Variants in TRDN observed in about 807,000 individuals in gnomAD.
The protein encoded by TRDN is triadin.
A neutral mutation model predicts 149.7 loss-of-function variants in TRDN; 161 were observed. That is an observed-to-expected ratio of 1.08 (90% confidence interval 0.95 to 1.23). The LOEUF is 1.23. Ranked by LOEUF, TRDN falls within the 50% of genes most tolerant of loss-of-function variation. The probability of loss-of-function intolerance (pLI) is 0.00; values close to 1 mark genes in which losing one functional copy is unlikely to be tolerated. For synonymous variants in TRDN, 294 were observed against 250.5 expected (o/e 1.17, Z -1.64); for missense variants, 896 against 823.5 (o/e 1.09, Z -1.08).
At chr6:123,374,165 T>C (rs1254424343) in intron 19 of TRDN, among the ~76,000 whole-genome samples, 1 of 152,188 alleles carries the variant, frequency 6.6e-6, no homozygotes, top group Non-Finnish European at 1.5e-5. Context: ...TTAAGATGAT[T>C]TGGCAAGCTA....
intron 12 of TRDN, among the ~76,000 whole-genome samples, chr6:123,415,258 C>A (rs1582990630): frequency 6.6e-6 from 1 of 152,150 alleles, no homozygotes; most frequent in South Asian, 2.1e-4. Context: ...ATGATTTGAC[C>A]TTTAGCTTAT....
chr6:123,511,707 C>T (rs1367541394), intron 7 of TRDN, among the ~76,000 whole-genome samples: 2 of 152,120 alleles, frequency 1.3e-5, no homozygotes, highest in African/African-American at 4.8e-5. Context: ...ACTGAATTCT[C>T]TGCTTAGGGC....
chr6:123,279,552 A>G (rs28671702), intron 24 of TRDN, among the ~76,000 whole-genome samples: 2 of 151,796 alleles, frequency 1.3e-5, no homozygotes, highest in African/African-American at 4.8e-5. Context: ...TACAAATGCC[A>G]TCTAGTACCT....
chr6:123,633,031 AG>A (rs1262072918), intron 1 of TRDN, among the ~76,000 whole-genome samples: 1 of 152,088 alleles, frequency 6.6e-6, no homozygotes, highest in Non-Finnish European at 1.5e-5. Context: ...TGGTAAGGAA[AG>A]AATTCCACAC....
chr6:123,324,620 T>TA (rs1269928055), intron 23 of TRDN, among the ~76,000 whole-genome samples: 1 of 152,120 alleles, frequency 6.6e-6, no homozygotes, highest in African/African-American at 2.4e-5. Context: ...GGCTGATATT[T>TA]AAAAAATACC....
At chr6:123,636,670 A>G (rs1391923403) in intron 1 of TRDN, 84 bp downstream of exon 1, 1 of 1,514,688 alleles carries the variant, frequency 6.6e-7, no homozygotes, top group African/African-American at 1.4e-5. Flanking sequence ...CAACATTTTA[A>G]ATGGACACAT....
In TRDN at chr6:123,274,540, C is replaced by A. The variant is rs377344976; in HGVS notation, c.1597+101G>T. On this transcript the variant is annotated intron_variant, in intron 27 of 40. Transcript: ENST00000334268. ...GACAAAATAATGAGGAACTTGGAGA[C>A]TATGTGCATGTCTCCCTAGTGAGAT... is the stretch of plus-strand genomic sequence containing the variant. The A allele has an allele frequency of 1.8e-5, 18 of 1,016,618 alleles. No individual in the cohort carries two copies. In the East Asian group the frequency reaches 4.0e-4, roughly 22 times the overall value. The allele number at this position is 1,016,618 out of a possible 1,614,324, so 63.0% of individuals were successfully genotyped here.
intron 9 of TRDN, among the ~76,000 whole-genome samples, chr6:123,474,570 C>A (rs913409806): frequency 9.2e-5 from 14 of 152,250 alleles, no homozygotes; most frequent in Middle Eastern, 3.4e-3. Flanking sequence ...CTGCACCAAG[C>A]CGACCTAATA....
At chr6:123,442,882 G>C (rs1775007629) in intron 10 of TRDN, among the ~76,000 whole-genome samples, 1 of 152,092 alleles carries the variant, frequency 6.6e-6, no homozygotes, top group Non-Finnish European at 1.5e-5. Flanking sequence ...GAAGGGTACT[G>C]TACTGCAATG....
rs769836240 is a variant in TRDN at position 123,529,292 on chromosome 6, T to G, written c.484+1214A>C. ...TCCGTACTCAAGAGCTGTGTCCAAC[T>G]TCTGTGATCAAAGGAATTAAGAACC... On this transcript the variant is annotated intron_variant, in intron 5 of 40. Transcript: ENST00000334268. The G allele has an allele frequency of 6.5e-6, 10 of 1,548,862 alleles. No homozygotes were observed. The East Asian group carries it at 2.4e-4, about 38-fold the overall frequency.
At chr6:123,268,119 T>C (rs1444946077) in intron 31 of TRDN, among the ~76,000 whole-genome samples, 1 of 152,072 alleles carries the variant, frequency 6.6e-6, no homozygotes, top group Non-Finnish European at 1.5e-5. Context: ...TATTTGTCTT[T>C]GACATTTTAT....
chr6:123,360,712 AGAGAGACG>A (rs111862950), intron 20 of TRDN, among the ~76,000 whole-genome samples: 1,233 of 41,514 alleles, frequency 0.03, 20 homozygotes, highest in African/African-American at 0.15. Flanking sequence ...AAAGAGAGAG[AGAGAGACG>A]GAGAGAGAGA....
intron 38 of TRDN, among the ~76,000 whole-genome samples, chr6:123,249,025 A>T (rs1487965456): frequency 6.6e-6 from 1 of 152,138 alleles, no homozygotes; most frequent in African/African-American, 2.4e-5. Context: ...CACCATGACC[A>T]AGTAGGATTC....
chr6:123,573,351 C>A (rs1782672830), intron 1 of TRDN, among the ~76,000 whole-genome samples: 1 of 152,006 alleles, frequency 6.6e-6, no homozygotes, highest in South Asian at 2.1e-4. Flanking sequence ...GACAATACAA[C>A]AACTACTGAG....
chr6:123,600,707 A>C (rs1386038475), intron 1 of TRDN, among the ~76,000 whole-genome samples: 1 of 152,072 alleles, frequency 6.6e-6, no homozygotes, highest in African/African-American at 2.4e-5. Context: ...CTCTGGTTAT[A>C]CAGCAGTTGG....
intron 37 of TRDN, among the ~76,000 whole-genome samples, chr6:123,253,457 T>G (rs1296735183): frequency 2.6e-5 from 4 of 152,142 alleles, no homozygotes; most frequent in Non-Finnish European, 5.9e-5. Flanking sequence ...GATACATGTT[T>G]TCAGTATTGT....
chr6:123,624,723 A>G (rs1785560705), intron 1 of TRDN, among the ~76,000 whole-genome samples: 1 of 152,110 alleles, frequency 6.6e-6, no homozygotes, highest in Non-Finnish European at 1.5e-5. Context: ...CCTTTCTGAC[A>G]GTTGGTATTT....
At chr6:123,345,383 A>G (rs182586951) in intron 21 of TRDN, among the ~76,000 whole-genome samples, 371 of 151,804 alleles carry the variant, frequency 2.4e-3, no homozygotes, top group Middle Eastern at 6.8e-3. Context: ...TTGTGAGTGC[A>G]TTTCTGAGTT....
chr6:123,387,876 T>G (rs1396641632), intron 14 of TRDN, among the ~76,000 whole-genome samples: 3 of 151,784 alleles, frequency 2.0e-5, no homozygotes, highest in Admixed American at 1.3e-4. Context: ...AAGAAAAAAA[T>G]GGGGTTGAAG....
Sources: gnomAD v4.1 joint callset for allele counts (sites outside exome capture counted in the v4.1 genomes callset) on GRCh38, gnomAD v4.1.1 for gene constraint, MANE v1.5 for transcripts, NCBI Gene and HGNC (gene_info 2026-07-23, HGNC 2026-07-21) for gene names.